Variants in MTTP observed in about 807,000 individuals in gnomAD.
MTTP encodes the protein microsomal triglyceride transfer protein large subunit.
A neutral mutation model predicts 90.6 loss-of-function variants in MTTP; 49 were observed. The observed-to-expected ratio is 0.54, with a 90% CI of 0.43 to 0.69. The LOEUF (loss-of-function observed/expected upper bound fraction) is 0.69, where lower values mean the gene tolerates loss of function less well. Ranked by LOEUF, MTTP falls within the 30% of genes least tolerant of loss-of-function variation. The pLI is 0.00. For synonymous variants in MTTP, 347 were observed against 384.2 expected (o/e 0.90, Z 1.13); for missense variants, 945 against 1,067.5 (o/e 0.89, Z 1.60).
At chr4:99,565,252 T>A (rs1386933604) in intron 1 of MTTP, among the ~76,000 whole-genome samples, 1 of 152,224 alleles carries the variant, frequency 6.6e-6, no homozygotes, top group African/African-American at 2.4e-5. Flanking sequence ...TACAGTTTTT[T>A]CAGAGTTAAT....
intron 1 of MTTP, among the ~76,000 whole-genome samples, chr4:99,581,048 A>G (rs1191047495): frequency 6.6e-6 from 1 of 152,220 alleles, no homozygotes; most frequent in Admixed American, 6.5e-5. Context: ...AGGTAAACTG[A>G]AGTCTTTTTT....
rs1726292317 is a variant in MTTP at position 99,623,347 on chromosome 4, G to A, written c.*499G>A. ...TTTTTTTTCTCTTTTTTTGGAGTTG[G>A]GGGCCCAGGGAGAAGGGACAAGACT... On this transcript the variant is annotated 3_prime_UTR_variant, in exon 18 of 18. Transcript: ENST00000265517. 1 of 161,862 alleles carries A rather than the reference G, an allele frequency of 6.2e-6. No homozygotes were observed. The highest frequency in any genetic ancestry group is 1.6e-4 in the South Asian group (1 of 6,244). 10.0% of individuals were successfully genotyped at this position (161,862 alleles called of 1,614,324 possible). A position where few individuals can be genotyped will look rare whatever the true frequency, so the allele number is the denominator to read the frequency against.
chr4:99,601,424 G>T (rs992449779), intron 9 of MTTP, among the ~76,000 whole-genome samples, 183 bp from the exon 10 acceptor site: 2 of 144,268 alleles, frequency 1.4e-5, no homozygotes, highest in African/African-American at 2.5e-5. Flanking sequence ...CTGAAAAGGG[G>T]ATTAACTCTT....
intron 1 of MTTP, among the ~76,000 whole-genome samples, chr4:99,577,626 AG>A (rs1357653933): frequency 2.7e-5 from 4 of 150,750 alleles, no homozygotes; most frequent in South Asian, 2.1e-4. Context: ...AAAAAAAGAA[AG>A]AAAAGAAAGA....
Position 99,564,301 on chromosome 4 carries a change from G to A in MTTP, c.-102+64G>A, listed in dbSNP as rs113559475. ...TAAAAATGCAAAACAACGAAGAAAG[G>A]CTCCTAATTTTTCTGTGTTGAAAAT... is the stretch of plus-strand genomic sequence containing the variant. On this transcript the variant is annotated intron_variant, in intron 1 of 18. Transcript: ENST00000457717. 709 of 1,457,492 alleles carry A rather than the reference G, an allele frequency of 4.9e-4. 5 individuals are homozygous for A. The African/African-American group carries it at 8.4e-3, about 17-fold the overall frequency. The allele number at this position is 1,457,492 out of a possible 1,614,324, so 90.3% of individuals were successfully genotyped here. A position where few individuals can be genotyped will look rare whatever the true frequency, so the allele number is the denominator to read the frequency against.
At chr4:99,612,445 C>T (rs1214189493) in intron 14 of MTTP, among the ~76,000 whole-genome samples, 4 of 150,778 alleles carry the variant, frequency 2.7e-5, no homozygotes, top group African/African-American at 4.9e-5. Context: ...ACCATGTCCT[C>T]ACATAGCAGC....
chr4:99,600,423 A>T, intron 8 of MTTP, 142 bp from the exon 9 acceptor site: 1 of 853,314 alleles, frequency 1.2e-6, no homozygotes, highest in Non-Finnish European at 1.8e-6. Context: ...AGAAAGTCTT[A>T]ATCATTTTTT....
intron 3 of MTTP, 26 bp downstream of exon 3, chr4:99,583,543 C>A: frequency 1.9e-6 from 3 of 1,613,136 alleles, no homozygotes; most frequent in South Asian, 2.2e-5. Context: ...GATTCCACAA[C>A]TTTTTCTCCA....
chr4:99,594,933 AT>A lies in MTTP; in HGVS notation c.909+54del, dbSNP rs1392481947. 2.5e-6 allele frequency: 4 copies of A among 1,601,616 alleles called. No individual in the cohort carries two copies. The African/African-American group carries it at 5.4e-5, about 22-fold the overall frequency. On this transcript the variant is annotated intron_variant, in intron 7 of 17. Transcript: ENST00000265517. ...AATCATGACATCAGACTCTGTTTTCATTTTGTCTCCAGTGAAAGCATCAACT... is the reference window on the plus strand; with the variant it reads ...AATCATGACATCAGACTCTGTTTTCATTTGTCTCCAGTGAAAGCATCAACT...
In MTTP at chr4:99,583,667, A is replaced by G; in HGVS notation, c.393+150A>G. 5 of 973,462 alleles carry G rather than the reference A, an allele frequency of 5.1e-6. No individual in the cohort carries two copies. The South Asian group carries it at 5.7e-5, about 11-fold the overall frequency. The allele number at this position is 973,462 out of a possible 1,614,324, so 60.3% of individuals were successfully genotyped here. A position where few individuals can be genotyped will look rare whatever the true frequency, so the allele number is the denominator to read the frequency against. On this transcript the variant is annotated intron_variant, in intron 3 of 17. Transcript: ENST00000265517. ...CTAAAGAACAGAGGTTGTAAATTAA[A>G]TGTTTCCAAACTGAATCAATGCCCT...
rs374436584 is a variant in MTTP at position 99,583,374 on chromosome 4, A to T, written c.250A>T (p.Met84Leu). The T allele has an allele frequency of 2.5e-6, 4 of 1,613,020 alleles. No individual in the cohort carries two copies. Among genetic ancestry groups the T allele is most frequent in the African/African-American group, 1.3e-5 (1 of 74,996 alleles). ...AACAGCTTTCTTTCTGTTACTCCAG[A>T]TGAAGGATGTAAATGTTGAAAATGT... ...GDDDQLIQIT[M>L]KDVNVENVNQ... The change falls in exon 3 of 18, where the codon ATG becomes TTG. Residue 84 changes from methionine (M) to leucine (L), a missense_variant and splice_region_variant. Physicochemically the swap from Met to Leu is conservative, Grantham distance 15. Coordinates refer to ENST00000265517, the MANE Select transcript of MTTP (RefSeq NM_001386140.1).
At chr4:99,570,146 A>G (rs766880947), upstream of MTTP, among the ~76,000 whole-genome samples, 2 of 151,676 alleles carry the variant, frequency 1.3e-5, no homozygotes, top group Non-Finnish European at 2.9e-5. Context: ...TCTGGGGTCA[A>G]TTTTTTTCTA....
chr4:99,606,995 A>G lies in MTTP; in HGVS notation c.1557+35A>G, dbSNP rs1025223725. ...CCAAGAATATTTGCAACATTTACAGAAGAAAAAAAAAAAGCATGCTGAACA... is the reference window on the plus strand; with the variant it reads ...CCAAGAATATTTGCAACATTTACAGGAGAAAAAAAAAAAGCATGCTGAACA... On this transcript the variant is annotated intron_variant, in intron 11 of 17. Transcript: ENST00000265517. The G allele has an allele frequency of 3.8e-6, 6 of 1,559,870 alleles. No individual in the cohort carries two copies. In the African/African-American group the frequency reaches 6.8e-5, roughly 18 times the overall value.
At chr4:99,587,465 C>A (rs1312276465) in intron 3 of MTTP, among the ~76,000 whole-genome samples, 1 of 152,130 alleles carries the variant, frequency 6.6e-6, no homozygotes, top group Admixed American at 6.6e-5. Context: ...ATCCAGAGGT[C>A]AAGATCAAAA....
chr4:99,601,761 T>C (rs1480668055), intron 10 of MTTP, 47 bp downstream of exon 10: 1 of 1,380,226 alleles, frequency 7.2e-7, no homozygotes, highest in Non-Finnish European at 1.0e-6. Flanking sequence ...TACACCATTG[T>C]CCATTTGATA....
chr4:99,567,907 T>C (rs1378041839), intron 1 of MTTP, among the ~76,000 whole-genome samples: 1 of 152,078 alleles, frequency 6.6e-6, no homozygotes, highest in East Asian at 1.9e-4. Context: ...CCTAAAAATA[T>C]ACCACAGAAA....
intron 16 of MTTP, chr4:99,620,795 G>T: frequency 2.1e-6 from 1 of 477,864 alleles, no homozygotes. Flanking sequence ...AAACAATGTA[G>T]TATCTTACAG....
chr4:99,579,144 T>G (rs1444917043), intron 1 of MTTP, among the ~76,000 whole-genome samples: 1 of 152,230 alleles, frequency 6.6e-6, no homozygotes, highest in East Asian at 1.9e-4. Context: ...GTTTTGTGTA[T>G]ACACATAGAT....
chr4:99,611,182 C>T lies in MTTP; in HGVS notation c.1809C>T (p.His603=). 6.2e-7 allele frequency: 1 copy of T among 1,613,956 alleles called. No individual in the cohort carries two copies. Among genetic ancestry groups the T allele is most frequent in the Non-Finnish European group, 8.5e-7 (1 of 1,179,982 alleles). ...VRRVLKEMVA[H]NYDRFSRSGS... is the part of the protein sequence containing the mutation. ...GAGTTCTGAAGGAAATGGTCGCTCA[C>T]AATTATGACCGTTTCTCCAGGAGTG... is the stretch of plus-strand genomic sequence containing the variant. Residue 603 remains histidine, a synonymous_variant, in exon 13 of 18, where the codon CAC becomes CAT. Coordinates refer to ENST00000265517, the MANE Select transcript of MTTP (RefSeq NM_001386140.1).
Sources: gnomAD v4.1 joint callset for allele counts (sites outside exome capture counted in the v4.1 genomes callset) on GRCh38, gnomAD v4.1.1 for gene constraint, MANE v1.5 for transcripts, NCBI Gene and HGNC (gene_info 2026-07-23, HGNC 2026-07-21) for gene names.